The following NKAIN3 variants were observed in gnomAD, a reference collection of about 807,000 sequenced individuals.
NKAIN3 encodes the protein sodium/potassium-transporting ATPase subunit beta-1-interacting protein 3.
In NKAIN3, 25 loss-of-function variants were observed where a neutral mutation model predicts 30.2. The observed-to-expected ratio is 0.83, with a 90% CI of 0.60 to 1.16. NKAIN3 has a LOEUF of 1.16. Among genes scored for constraint, NKAIN3 ranks in the 50% most tolerant of loss-of-function variants. The probability of loss-of-function intolerance (pLI) is 0.00; values close to 1 mark genes in which losing one functional copy is unlikely to be tolerated. For missense variants in NKAIN3, 225 were observed against 254.1 expected (o/e 0.89, Z 0.78); for synonymous variants, 91 against 89.6 (o/e 1.02, Z -0.09).
intron 4 of NKAIN3, among the ~76,000 whole-genome samples, chr8:62,772,158 CAA>C (rs1003906436): frequency 6.6e-6 from 1 of 152,146 alleles, no homozygotes; most frequent in African/African-American, 2.4e-5. Context: ...TGAGAATGTG[CAA>C]AGTTTGTCTT....
chr8:62,512,200 A>G (rs1223268355), intron 1 of NKAIN3, among the ~76,000 whole-genome samples: 1 of 152,156 alleles, frequency 6.6e-6, no homozygotes, highest in African/African-American at 2.4e-5. Flanking sequence ...AAAATTATTG[A>G]TAAATGATTG....
chr8:62,670,738 T>C (rs1204360335), intron 3 of NKAIN3, among the ~76,000 whole-genome samples: 2 of 152,132 alleles, frequency 1.3e-5, no homozygotes, highest in South Asian at 2.1e-4. Flanking sequence ...AATTCTCTTC[T>C]GAGGCTTCAA....
chr8:62,317,415 C>T (rs1402473903), intron 1 of NKAIN3, among the ~76,000 whole-genome samples: 2 of 152,170 alleles, frequency 1.3e-5, no homozygotes, highest in African/African-American at 2.4e-5. Context: ...TTAGGTCTAA[C>T]ATTTAAGTCT....
chr8:62,537,908 T>C (rs1447286259), intron 1 of NKAIN3, among the ~76,000 whole-genome samples: 1 of 152,114 alleles, frequency 6.6e-6, no homozygotes, highest in African/African-American at 2.4e-5. Context: ...GAATATTTAC[T>C]TTCTTCCACA....
intron 2 of NKAIN3, among the ~76,000 whole-genome samples, chr8:62,585,682 G>C (rs771464428): frequency 8.5e-5 from 13 of 152,118 alleles, no homozygotes; most frequent in Non-Finnish European, 1.6e-4. Context: ...TCTGACAGGA[G>C]GCAGAGCTTA....
intron 1 of NKAIN3, among the ~76,000 whole-genome samples, chr8:62,494,621 A>G (rs1807177637): frequency 6.6e-6 from 1 of 152,094 alleles, no homozygotes; most frequent in African/African-American, 2.4e-5. Flanking sequence ...CATCTGGTAG[A>G]ACTTGGCTGT....
At chr8:62,533,790 G>GT (rs1479006833) in intron 1 of NKAIN3, among the ~76,000 whole-genome samples, 2 of 152,140 alleles carry the variant, frequency 1.3e-5, no homozygotes, top group Non-Finnish European at 2.9e-5. Flanking sequence ...TTTTTAAAAT[G>GT]TTTTTTCAGA....
At chr8:62,752,731 C>A (rs773868313) in intron 4 of NKAIN3, among the ~76,000 whole-genome samples, 2 of 152,042 alleles carry the variant, frequency 1.3e-5, no homozygotes, top group Non-Finnish European at 2.9e-5. Flanking sequence ...TGCAGAGTGG[C>A]CACTCTTTCA....
intron 1 of NKAIN3, among the ~76,000 whole-genome samples, chr8:62,322,894 C>A (rs527616853): frequency 6.6e-6 from 1 of 152,138 alleles, no homozygotes; most frequent in African/African-American, 2.4e-5. Flanking sequence ...ATGCACAGAT[C>A]GCTAATAAAC....
At chr8:62,458,278 G>A (rs1469245241) in intron 1 of NKAIN3, among the ~76,000 whole-genome samples, 1 of 152,162 alleles carries the variant, frequency 6.6e-6, no homozygotes, top group Admixed American at 6.5e-5. Context: ...AACCTAAGGA[G>A]TAAGGAAAGC....
chr8:62,801,723 C>G (rs1306854536), intron 4 of NKAIN3, among the ~76,000 whole-genome samples: 1 of 152,220 alleles, frequency 6.6e-6, no homozygotes, highest in Admixed American at 6.5e-5. Flanking sequence ...TCTCCTCCTC[C>G]AAAGGAACGC....
intron 4 of NKAIN3, among the ~76,000 whole-genome samples, chr8:62,760,634 G>A (rs1816624392): frequency 6.8e-6 from 1 of 146,820 alleles, no homozygotes; most frequent in South Asian, 2.3e-4. Flanking sequence ...TGTGGTGTGG[G>A]GGGAGGGGGG....
chr8:62,765,773 T>C (rs1172627440), intron 4 of NKAIN3, among the ~76,000 whole-genome samples: 1 of 152,160 alleles, frequency 6.6e-6, no homozygotes, highest in African/African-American at 2.4e-5. Flanking sequence ...TATAATTCTG[T>C]ATGTGTGTAT....
intron 4 of NKAIN3, among the ~76,000 whole-genome samples, chr8:62,800,103 A>T (rs1818006328): frequency 6.6e-6 from 1 of 152,194 alleles, no homozygotes; most frequent in Non-Finnish European, 1.5e-5. Context: ...TACAGTGTAT[A>T]CTGTTTGGGT....
intron 1 of NKAIN3, among the ~76,000 whole-genome samples, chr8:62,330,623 G>A (rs950953957): frequency 2.0e-5 from 3 of 151,914 alleles, no homozygotes; most frequent in African/African-American, 7.2e-5. Context: ...ATGGCAACCT[G>A]GACATGACTG....
chr8:62,418,982 A>T (rs1199978984), intron 1 of NKAIN3, among the ~76,000 whole-genome samples: 1 of 152,180 alleles, frequency 6.6e-6, no homozygotes, highest in South Asian at 2.1e-4. Flanking sequence ...ATAGCCCTAC[A>T]TAGCCAAAAG....
At chr8:62,326,890 C>G (rs1161977501) in intron 1 of NKAIN3, among the ~76,000 whole-genome samples, 4 of 151,996 alleles carry the variant, frequency 2.6e-5, no homozygotes, top group Non-Finnish European at 4.4e-5. Flanking sequence ...CTGATTTACA[C>G]AGTGTCCTGC....
At chr8:62,463,279 C>T (rs912265182) in intron 1 of NKAIN3, among the ~76,000 whole-genome samples, 11 of 152,148 alleles carry the variant, frequency 7.2e-5, no homozygotes, top group African/African-American at 2.4e-4. Flanking sequence ...CTATCTTAGG[C>T]ACAGTGGAAT....
At position 62,990,479 on chromosome 8, in the gene NKAIN3, A is replaced by T. The variant is rs141783452; in HGVS notation, c.533-8752A>T. On this transcript the variant is annotated intron_variant, in intron 5 of 5. Transcript: ENST00000519049. ...CCATTGCTTTGTATAAAATGTTATA[A>T]ATTATCTTAGCATCTTACCTGGAAT... 3.5e-4 allele frequency: 208 copies of T among 589,886 alleles called. No homozygotes were observed. The African/African-American group carries it at 3.7e-3, about 10-fold the overall frequency. 36.5% of individuals were successfully genotyped at this position (589,886 alleles called of 1,614,324 possible).
Sources: gnomAD v4.1 joint callset for allele counts (sites outside exome capture counted in the v4.1 genomes callset) on GRCh38, gnomAD v4.1.1 for gene constraint, MANE v1.5 for transcripts, NCBI Gene and HGNC (gene_info 2026-07-23, HGNC 2026-07-21) for gene names.